Variants in DNAH12 observed in about 807,000 individuals in gnomAD.
DNAH12 encodes dynein axonemal heavy chain 12.
In DNAH12, 285 loss-of-function variants were observed where a neutral mutation model predicts 371.5. That is an observed-to-expected ratio of 0.77 (90% CI 0.70 to 0.85). The LOEUF is 0.85. Among genes scored for constraint, DNAH12 ranks in the 40% least tolerant of loss-of-function variants. DNAH12 has a pLI of 0.00. For missense variants in DNAH12, 3,611 were observed against 3,689.4 expected (o/e 0.98, Z 0.55); for synonymous variants, 1,200 against 1,213.0 (o/e 0.99, Z 0.22).
chr3:57,522,318 T>C (rs1364667305), intron 4 of DNAH12, among the ~76,000 whole-genome samples: 1 of 152,196 alleles, frequency 6.6e-6, no homozygotes, highest in Non-Finnish European at 1.5e-5. Context: ...ATGGAATTCC[T>C]AGAAGCCATA....
chr3:57,346,726 T>G (rs1286786636), intron 60 of DNAH12, among the ~76,000 whole-genome samples: 2 of 152,072 alleles, frequency 1.3e-5, no homozygotes, highest in African/African-American at 4.8e-5. Flanking sequence ...ACTTTAAACA[T>G]AGAAAGACAC....
chr3:57,436,057 C>T (rs1243136113), intron 30 of DNAH12, among the ~76,000 whole-genome samples: 2 of 151,616 alleles, frequency 1.3e-5, no homozygotes, highest in Non-Finnish European at 2.9e-5. Flanking sequence ...ATGGAAAGAC[C>T]TCTCAGAAGG....
At chr3:57,341,193 G>A (rs1362317788) in intron 60 of DNAH12, among the ~76,000 whole-genome samples, 1 of 149,074 alleles carries the variant, frequency 6.7e-6, no homozygotes, top group Non-Finnish European at 1.5e-5. Flanking sequence ...ACAAGACAAG[G>A]ATACCCACTC....
chr3:57,500,998 CT>C (rs2067523921), intron 11 of DNAH12, among the ~76,000 whole-genome samples: 1 of 152,186 alleles, frequency 6.6e-6, no homozygotes, highest in Non-Finnish European at 1.5e-5. Flanking sequence ...CCAGGCTGGT[CT>C]CAAATTCCTG....
At chr3:57,443,132 T>C (rs1402396301) in intron 29 of DNAH12, among the ~76,000 whole-genome samples, 1 of 152,154 alleles carries the variant, frequency 6.6e-6, no homozygotes, top group African/African-American at 2.4e-5. Context: ...TATTTTAAGA[T>C]GGAGTCTTGC....
At chr3:57,417,315 G>A (rs1425700297) in intron 37 of DNAH12, among the ~76,000 whole-genome samples, 2 of 150,228 alleles carry the variant, frequency 1.3e-5, no homozygotes, top group Admixed American at 1.3e-4. Flanking sequence ...GCCATATTCA[G>A]TTCTAAGGGG....
chr3:57,496,927 C>T (rs2153388008), intron 11 of DNAH12, among the ~76,000 whole-genome samples: 1 of 152,204 alleles, frequency 6.6e-6, no homozygotes, highest in South Asian at 2.1e-4. Flanking sequence ...CGAGATCTTG[C>T]CATTGCACTA....
chr3:57,455,413 A>T (rs953407652), intron 22 of DNAH12, among the ~76,000 whole-genome samples: 4 of 151,824 alleles, frequency 2.6e-5, no homozygotes, highest in South Asian at 2.1e-4. Flanking sequence ...AAAAATAAAA[A>T]AAAAAAAATA....
intron 35 of DNAH12, among the ~76,000 whole-genome samples, chr3:57,422,166 G>A (rs1256234298): frequency 6.6e-6 from 1 of 151,830 alleles, no homozygotes; most frequent in African/African-American, 2.4e-5. Context: ...ACCTGCCACA[G>A]CCTCCTAGAG....
chr3:57,388,564 TA>T (rs1275896379), intron 45 of DNAH12, among the ~76,000 whole-genome samples: 152,123 of 152,124 alleles, frequency 1, 76,061 homozygotes, highest in Non-Finnish European at 1. Context: ...ATTTTAAATC[TA>T]AAAAAGAGAC....
At chr3:57,410,580 A>T (rs2064170301) in intron 39 of DNAH12, among the ~76,000 whole-genome samples, 1 of 152,054 alleles carries the variant, frequency 6.6e-6, no homozygotes, top group Non-Finnish European at 1.5e-5. Flanking sequence ...GTGCTTTAGG[A>T]GGCCAAGGTG....
chr3:57,470,771 A>AGG, intron 15 of DNAH12, 135 bp from the exon 16 acceptor site: 3 of 757,064 alleles, frequency 4.0e-6, no homozygotes, highest in Non-Finnish European at 6.0e-6. Context: ...CAGTGGCGTG[A>AGG]TCTGGGCTCA....
At chr3:57,421,784 T>C (rs1172246516) in intron 35 of DNAH12, 78 bp from the exon 36 acceptor site, 1 of 1,454,806 alleles carries the variant, frequency 6.9e-7, no homozygotes, top group African/African-American at 1.4e-5. Context: ...CAAAATTCAA[T>C]ATATTAGGAT....
At chr3:57,500,323 G>A (rs9824770) in intron 11 of DNAH12, among the ~76,000 whole-genome samples, 11,380 of 152,186 alleles carry the variant, frequency 0.075, 1,479 homozygotes, top group African/African-American at 0.26. Context: ...TTACAGGTGT[G>A]AGCCACTGCA....
In DNAH12 at chr3:57,446,124, T is replaced by G; in HGVS notation, c.4086A>C (p.Glu1362Asp). The change falls in exon 27 of 74, where the codon GAA (glutamate) becomes GAC (aspartate). Residue 1362 changes from glutamate (E) to aspartate (D), a missense_variant. Physicochemically the swap from Glu to Asp is conservative, Grantham distance 45. Coordinates refer to ENST00000495027, the MANE Select transcript of DNAH12 (RefSeq NM_001366028.2). ...TCGGATTGAGCTTAAGTTCTGTCCC[T>G]TCAAAAACAAACACAACCAACTTCT... ...IQQKLVVFVF[E>D]GTELKLNPNC... 1 of 1,551,710 alleles carries G rather than the reference T, an allele frequency of 6.4e-7. No individual in the cohort carries two copies.
chr3:57,407,835 C>T (rs1281366960), intron 40 of DNAH12, among the ~76,000 whole-genome samples: 3 of 151,974 alleles, frequency 2.0e-5, no homozygotes, highest in Non-Finnish European at 4.4e-5. Flanking sequence ...ATTATGTGGT[C>T]TGACTAAAAG....
chr3:57,545,163 T>A (rs1180603731), upstream of DNAH12, among the ~76,000 whole-genome samples: 1 of 60,616 alleles, frequency 1.6e-5, no homozygotes, highest in African/African-American at 1.3e-4. Context: ...TAATGTGACT[T>A]TTTTTTTTTT....
At chr3:57,366,123 A>C (rs1351107551) in intron 57 of DNAH12, among the ~76,000 whole-genome samples, 2 of 152,158 alleles carry the variant, frequency 1.3e-5, no homozygotes, top group Admixed American at 1.3e-4. Flanking sequence ...CTTGCTGATA[A>C]AACAGATTAC....
chr3:57,455,408 T>TA (rs547067884), intron 22 of DNAH12, among the ~76,000 whole-genome samples: 2,506 of 137,586 alleles, frequency 0.018, 51 homozygotes, highest in African/African-American at 0.059. Flanking sequence ...CTACTAAAAA[T>TA]AAAAAAAAAA....
Sources: allele counts gnomAD v4.1 joint callset (sites outside exome capture counted in the v4.1 genomes callset), GRCh38; gene constraint gnomAD v4.1.1; transcripts MANE v1.5; gene names NCBI Gene and HGNC (gene_info 2026-07-23, HGNC 2026-07-21).